FRMD5: variants seen among roughly 807,000 people sequenced by gnomAD.
The protein encoded by FRMD5 is FERM domain containing 5.
A neutral mutation model predicts 69.0 loss-of-function variants in FRMD5; 20 were observed. The observed-to-expected ratio is 0.29, with a 90% CI of 0.20 to 0.42. The LOEUF (loss-of-function observed/expected upper bound fraction) is 0.42, where lower values mean the gene tolerates loss of function less well. Among genes scored for constraint, FRMD5 ranks in the 10% least tolerant of loss-of-function variants. FRMD5 has a pLI of 1.00. For missense variants in FRMD5, 595 were observed against 708.6 expected, an observed-to-expected ratio of 0.84 and a Z score of 1.82; for synonymous variants, 271 against 260.1, an observed-to-expected ratio of 1.04 and a Z score of -0.40.
chr15:44,032,676 G>C (rs1180910586), intron 1 of FRMD5, among the ~76,000 whole-genome samples: 2 of 152,170 alleles, frequency 1.3e-5, no homozygotes, highest in Non-Finnish European at 1.5e-5. Flanking sequence ...CAGTCAGAAA[G>C]GCTATTATTA....
At chr15:44,122,711 T>C (rs913813411) in intron 1 of FRMD5, among the ~76,000 whole-genome samples, 8 of 152,064 alleles carry the variant, frequency 5.3e-5, no homozygotes, top group African/African-American at 1.9e-4. Context: ...TCATCCTGGC[T>C]AACACGGTGA....
intron 1 of FRMD5, among the ~76,000 whole-genome samples, chr15:44,190,658 C>T (rs923558526): frequency 6.6e-6 from 1 of 152,126 alleles, no homozygotes; most frequent in Admixed American, 6.6e-5. Context: ...GTACTTCTCA[C>T]CCGGGAGAGG....
intron 1 of FRMD5, among the ~76,000 whole-genome samples, chr15:44,126,266 G>A (rs1447910636): frequency 6.6e-6 from 1 of 152,160 alleles, no homozygotes; most frequent in Non-Finnish European, 1.5e-5. Context: ...TTGAAATCCA[G>A]GCACTTCAAA....
At chr15:44,189,800 A>ACCATGTCTAGCC (rs1456321822) in intron 1 of FRMD5, among the ~76,000 whole-genome samples, 2 of 152,150 alleles carry the variant, frequency 1.3e-5, no homozygotes, top group African/African-American at 4.8e-5. Flanking sequence ...CCAAAAGTCC[A>ACCATGTCTAGCC]AAGAGTTTTA....
intron 1 of FRMD5, among the ~76,000 whole-genome samples, chr15:44,079,472 G>T (rs1242303062): frequency 2.0e-5 from 3 of 152,066 alleles, no homozygotes; most frequent in Admixed American, 6.6e-5. Context: ...GAAGCAAGAT[G>T]ATCCATTGGA....
upstream of FRMD5, chr15:44,195,273 T>C (rs2078273000): frequency 1.9e-6 from 1 of 520,130 alleles, no homozygotes; most frequent in Non-Finnish European, 3.4e-6. Context: ...CCGGGCTCTG[T>C]CTCCTCGGCG....
chr15:44,028,000 C>T (rs1055115964), intron 1 of FRMD5, among the ~76,000 whole-genome samples: 6 of 152,118 alleles, frequency 3.9e-5, no homozygotes, highest in South Asian at 4.1e-4. Flanking sequence ...TCTGTTCACA[C>T]GTCACTGGCC....
chr15:43,995,359 C>G (rs1437336483), intron 1 of FRMD5, among the ~76,000 whole-genome samples: 1 of 152,170 alleles, frequency 6.6e-6, no homozygotes, highest in African/African-American at 2.4e-5. Context: ...TGGATGAAGA[C>G]CCTGCAGCTA....
chr15:44,156,520 G>A (rs940174331), intron 1 of FRMD5, among the ~76,000 whole-genome samples: 3 of 152,194 alleles, frequency 2.0e-5, no homozygotes, highest in African/African-American at 7.2e-5. Context: ...GGATTTTTTA[G>A]TAGCTTTTAG....
At chr15:44,154,274 T>C (rs1362058189) in intron 1 of FRMD5, among the ~76,000 whole-genome samples, 6 of 151,890 alleles carry the variant, frequency 4.0e-5, no homozygotes, top group African/African-American at 1.5e-4. Context: ...CAGTGAGCCA[T>C]GATTGCACTT....
intron 1 of FRMD5, among the ~76,000 whole-genome samples, chr15:44,011,769 A>G (rs1890731989): frequency 6.6e-6 from 1 of 152,212 alleles, no homozygotes; most frequent in African/African-American, 2.4e-5. Context: ...TCATCAGAGC[A>G]GTAATCTGAG....
At chr15:43,997,406 A>T (rs957596353) in intron 1 of FRMD5, among the ~76,000 whole-genome samples, 2 of 152,228 alleles carry the variant, frequency 1.3e-5, no homozygotes, top group Admixed American at 1.3e-4. Flanking sequence ...CAAGCTCAAA[A>T]GAAATTCCCC....
intron 1 of FRMD5, among the ~76,000 whole-genome samples, chr15:44,127,971 A>G (rs1174888712): frequency 1.3e-5 from 2 of 152,220 alleles, no homozygotes; most frequent in African/African-American, 2.4e-5. Context: ...CTGGCTTTTC[A>G]ACATTTTCCC....
intron 10 of FRMD5, among the ~76,000 whole-genome samples, chr15:43,887,722 G>A (rs1415555159): frequency 3.9e-5 from 6 of 152,210 alleles, no homozygotes; most frequent in Non-Finnish European, 7.3e-5. Flanking sequence ...TCAGGTTACT[G>A]GAACTGGGAC....
At chr15:44,176,501 C>T (rs76352473) in intron 1 of FRMD5, among the ~76,000 whole-genome samples, 91 of 152,120 alleles carry the variant, frequency 6.0e-4, no homozygotes, top group African/African-American at 2.2e-3. Context: ...CCACCAAAAG[C>T]ACAAGCAATA....
intron 10 of FRMD5, among the ~76,000 whole-genome samples, chr15:43,887,200 G>A (rs578088255): frequency 6.6e-6 from 1 of 152,292 alleles, no homozygotes; most frequent in East Asian, 1.9e-4. Flanking sequence ...ATAGTTCAGT[G>A]TGGAGCAGGC....
chr15:44,081,871 G>C (rs1894010616), intron 1 of FRMD5, among the ~76,000 whole-genome samples: 1 of 151,836 alleles, frequency 6.6e-6, no homozygotes, highest in Admixed American at 6.6e-5. Flanking sequence ...CCACAATCTG[G>C]TCCATCTGCT....
At chr15:44,010,614 A>C (rs1890674503) in intron 1 of FRMD5, among the ~76,000 whole-genome samples, 1 of 152,038 alleles carries the variant, frequency 6.6e-6, no homozygotes, top group Non-Finnish European at 1.5e-5. Context: ...CAAACTCCTG[A>C]CCTCAAGTGA....
chr15:44,123,612 T>A (rs2076986177), intron 1 of FRMD5, among the ~76,000 whole-genome samples: 1 of 152,118 alleles, frequency 6.6e-6, no homozygotes, highest in African/African-American at 2.4e-5. Context: ...GAAAATCAAC[T>A]TTTATAAAAA....
Sources: allele counts gnomAD v4.1 joint callset (sites outside exome capture counted in the v4.1 genomes callset), GRCh38; gene constraint gnomAD v4.1.1; transcripts MANE v1.5; gene names NCBI Gene and HGNC (gene_info 2026-07-23, HGNC 2026-07-21).